NADSYN1: variants seen among roughly 807,000 people sequenced by gnomAD.
The protein encoded by NADSYN1 is NAD synthetase 1.
Under a neutral mutation model 99.3 loss-of-function variants are expected in NADSYN1, and 80 were observed. The observed-to-expected ratio is 0.81, with a 90% confidence interval of 0.67 to 0.97. The LOEUF is 0.97. Ranked by LOEUF, NADSYN1 falls within the 50% of genes least tolerant of loss-of-function variation. NADSYN1 has a pLI of 0.00. For synonymous variants in NADSYN1, 385 were observed against 372.1 expected (o/e 1.03, Z -0.40); for missense variants, 859 against 948.5 (o/e 0.91, Z 1.24).
At chr11:71,474,738 C>T (rs1949653467) in intron 9 of NADSYN1, 2 of 552,326 alleles carry the variant, frequency 3.6e-6, no homozygotes, top group Admixed American at 6.0e-5. Context: ...CTGGCTCTCC[C>T]CTGTAAGCCG....
rs557806107 is a variant in NADSYN1, at chr11:71,498,756, T to C, written c.2070+228T>C. On this transcript the variant is annotated intron_variant, in intron 20 of 20. Transcript: ENST00000319023. ...TGGTGTCCAACATGACATTTCGATA[T>C]GTGTGTCACAGTGGAATGGCTAAGT... 7.0e-5 allele frequency: 31 copies of C among 440,816 alleles called. 1 individual carries two copies. In the Admixed American group the frequency reaches 1.0e-3, roughly 14 times the overall value. 27.3% of individuals were successfully genotyped at this position (440,816 alleles called of 1,614,324 possible). A position where few individuals can be genotyped will look rare whatever the true frequency, so the allele number is the denominator to read the frequency against.
intron 6 of NADSYN1, 56 bp downstream of exon 6, chr11:71,472,556 A>G: frequency 6.7e-7 from 1 of 1,496,368 alleles, no homozygotes. Context: ...TTCTCGGCCA[A>G]CAGTGGACCA....
chr11:71,485,760 C>A, intron 16 of NADSYN1, 112 bp downstream of exon 16: 1 of 767,556 alleles, frequency 1.3e-6, no homozygotes, highest in Admixed American at 3.2e-5. Context: ...GGTTTGGTGC[C>A]TGGAATGACA....
intron 16 of NADSYN1, among the ~76,000 whole-genome samples, chr11:71,486,560 T>C (rs778896179): frequency 6.6e-6 from 1 of 151,776 alleles, no homozygotes; most frequent in Non-Finnish European, 1.5e-5. Flanking sequence ...TCCACCCACC[T>C]GTCCATCCAT....
intron 14 of NADSYN1, among the ~76,000 whole-genome samples, chr11:71,483,592 C>A (rs1949723470): frequency 6.6e-6 from 1 of 152,174 alleles, no homozygotes; most frequent in East Asian, 1.9e-4. Flanking sequence ...AATATTCCAT[C>A]CATAATGGCT....
chr11:71,482,805 C>A, intron 13 of NADSYN1, 44 bp from the exon 14 acceptor site: 1 of 1,602,424 alleles, frequency 6.2e-7, no homozygotes, highest in Non-Finnish European at 8.5e-7. Context: ...AAACATCCCA[C>A]ACACTCAGGT....
rs776237796 is a variant in NADSYN1 at position 71,463,534 on chromosome 11, G to C, written c.317+49G>C. On this transcript the variant is annotated intron_variant, in intron 4 of 20. Coordinates refer to ENST00000319023, the MANE Select transcript of NADSYN1 (RefSeq NM_018161.5). ...GGAGGGTGACTGGGGCCTCTCCCTG[G>C]CTCTCAGCTGAGGGCTGCCAGGACC... is the stretch of plus-strand genomic sequence containing the variant. 2.5e-6 allele frequency: 4 copies of C among 1,573,488 alleles called. No homozygotes were observed. In the East Asian group the frequency reaches 9.0e-5, roughly 36 times the overall value.
chr11:71,474,552 G>C (rs1419849887), intron 9 of NADSYN1, 26 bp downstream of exon 9: 12 of 1,613,640 alleles, frequency 7.4e-6, no homozygotes, highest in South Asian at 1.1e-5. Context: ...GGACATGCCT[G>C]GGGGAGGGTT....
At chr11:71,481,064 C>T in intron 11 of NADSYN1, 185 bp downstream of exon 11, 1 of 806,758 alleles carries the variant, frequency 1.2e-6, no homozygotes, top group South Asian at 1.8e-5. Flanking sequence ...GGTGTGACCC[C>T]CAGCCCTGCT....
intron 5 of NADSYN1, among the ~76,000 whole-genome samples, chr11:71,471,980 G>A (rs1238722152): frequency 6.6e-6 from 1 of 152,136 alleles, no homozygotes; most frequent in African/African-American, 2.4e-5. Context: ...ACTAAAGTTG[G>A]TATTAAACCC....
chr11:71,487,850 AG>A (rs1453867378), intron 16 of NADSYN1, among the ~76,000 whole-genome samples: 69 of 127,470 alleles, frequency 5.4e-4, no homozygotes, highest in Non-Finnish European at 9.2e-4. Context: ...AAAAAAAAAA[AG>A]AAAAGAAAAG....
chr11:71,474,251 C>T, intron 8 of NADSYN1, 144 bp from the exon 9 acceptor site: 1 of 1,074,536 alleles, frequency 9.3e-7, no homozygotes. Context: ...CTGTGCTTCC[C>T]CACACATATG....
rs1203418618 is a variant in NADSYN1, at chr11:71,458,542, G to A, written c.261G>A (p.Gly87=). The A allele has an allele frequency of 6.2e-7, 1 of 1,601,734 alleles. No individual in the cohort carries two copies. The highest frequency in any genetic ancestry group is 1.7e-5 in the Admixed American group (1 of 59,996). Residue 87 remains glycine (G), a splice_region_variant and synonymous_variant, in exon 3 of 21, where the codon GGG becomes GGA. Transcript: ENST00000319023. ...CTCAGGACATCATCTGCGACGTGGG[G>A]ATGTAAGTGCCAGTGTGAGTGTGGA... ...PVTQDIICDV[G]MPVMHRNVRY...
chr11:71,454,201 C>T (rs1181238661), intron 1 of NADSYN1, among the ~76,000 whole-genome samples: 2 of 152,064 alleles, frequency 1.3e-5, no homozygotes, highest in Non-Finnish European at 2.9e-5. Context: ...AGTATGTGCC[C>T]TGGATTATTA....
chr11:71,491,959 G>GGT, intron 18 of NADSYN1, 56 bp downstream of exon 18: 3 of 1,529,684 alleles, frequency 2.0e-6, no homozygotes, highest in Non-Finnish European at 2.7e-6. Flanking sequence ...CCTCCTGTGT[G>GGT]GTGGTGCTGG....
At chr11:71,494,025 A>T (rs969434662) in intron 18 of NADSYN1, among the ~76,000 whole-genome samples, 2 of 152,220 alleles carry the variant, frequency 1.3e-5, no homozygotes, top group African/African-American at 4.8e-5. Flanking sequence ...AAGGTATAAA[A>T]GTTACAATAA....
intron 9 of NADSYN1, among the ~76,000 whole-genome samples, chr11:71,478,012 T>C (rs1462458400): frequency 1.3e-5 from 2 of 151,758 alleles, no homozygotes; most frequent in Non-Finnish European, 2.9e-5. Context: ...TTACTGACAC[T>C]GGGGTGTCTT....
At chr11:71,456,494 G>A (rs1949515964) in intron 2 of NADSYN1, among the ~76,000 whole-genome samples, 1 of 152,162 alleles carries the variant, frequency 6.6e-6, no homozygotes, top group African/African-American at 2.4e-5. Context: ...GGCTGGTCCG[G>A]GGGCCTGATC....
chr11:71,492,299 TG>T (rs1949787154), intron 18 of NADSYN1, among the ~76,000 whole-genome samples: 2 of 152,146 alleles, frequency 1.3e-5, no homozygotes, highest in African/African-American at 4.8e-5. Flanking sequence ...TAGTGGATGC[TG>T]GGGGAAGTGG....
Sources: allele counts gnomAD v4.1 joint callset (sites outside exome capture counted in the v4.1 genomes callset), GRCh38; gene constraint gnomAD v4.1.1; transcripts MANE v1.5; gene names NCBI Gene and HGNC (gene_info 2026-07-23, HGNC 2026-07-21).